Variants in TMEM135 observed in about 807,000 individuals in gnomAD.
The protein encoded by TMEM135 is transmembrane protein 135.
A neutral mutation model predicts 60.3 loss-of-function variants in TMEM135; 30 were observed. That is an observed-to-expected ratio of 0.50 (90% confidence interval 0.37 to 0.68). The LOEUF (loss-of-function observed/expected upper bound fraction) is 0.68, where lower values mean the gene tolerates loss of function less well. Ranked by LOEUF, TMEM135 falls within the 30% of genes least tolerant of loss-of-function variation. TMEM135 has a pLI of 0.00. For synonymous variants in TMEM135, 190 were observed against 186.7 expected (o/e 1.02, Z -0.14); for missense variants, 468 against 548.8 (o/e 0.85, Z 1.47).
intron 3 of TMEM135, among the ~76,000 whole-genome samples, chr11:87,073,106 G>C (rs1187337727): frequency 6.6e-6 from 1 of 152,112 alleles, no homozygotes; most frequent in Non-Finnish European, 1.5e-5. Flanking sequence ...TGCGATCTCA[G>C]CTCACTGAAA....
chr11:87,069,717 C>T (rs1856739226), intron 2 of TMEM135, among the ~76,000 whole-genome samples: 1 of 152,110 alleles, frequency 6.6e-6, no homozygotes, highest in Non-Finnish European at 1.5e-5. Flanking sequence ...TTCACTAAGT[C>T]CATTTTTCTT....
At chr11:87,317,273 G>A (rs1942748636) in intron 12 of TMEM135, among the ~76,000 whole-genome samples, 1 of 151,968 alleles carries the variant, frequency 6.6e-6, no homozygotes, top group Non-Finnish European at 1.5e-5. Flanking sequence ...TTTCTGTGAC[G>A]CAGTTCTACC....
At chr11:87,102,692 G>GCA (rs1857483711) in intron 4 of TMEM135, among the ~76,000 whole-genome samples, 2 of 90,388 alleles carry the variant, frequency 2.2e-5, no homozygotes, top group Non-Finnish European at 4.1e-5. Context: ...ATATGTGTGT[G>GCA]TATATATATA....
chr11:87,191,493 G>A (rs1411238516), intron 5 of TMEM135, among the ~76,000 whole-genome samples: 1 of 151,938 alleles, frequency 6.6e-6, no homozygotes, highest in East Asian at 1.9e-4. Flanking sequence ...TGCCTGCCTC[G>A]GCCTCCCAAA....
intron 6 of TMEM135, among the ~76,000 whole-genome samples, chr11:87,276,664 A>C (rs1316462181): frequency 9.1e-6 from 1 of 109,590 alleles, no homozygotes; most frequent in Non-Finnish European, 2.0e-5. Flanking sequence ...TGTGTTTGTG[A>C]ATTTTTTTTT....
intron 10 of TMEM135, among the ~76,000 whole-genome samples, chr11:87,312,701 TTTTGA>T (rs1156414316): frequency 6.6e-6 from 1 of 151,976 alleles, no homozygotes; most frequent in Admixed American, 6.6e-5. Flanking sequence ...GTTGTCATTC[TTTTGA>T]TTTATTTTTC....
At chr11:87,054,123 G>C (rs1275692035) in intron 1 of TMEM135, among the ~76,000 whole-genome samples, 1 of 152,176 alleles carries the variant, frequency 6.6e-6, no homozygotes, top group Non-Finnish European at 1.5e-5. Context: ...TAACTAACTT[G>C]GCTCATAGCA....
At chr11:87,087,318 A>G (rs1200373405) in intron 3 of TMEM135, among the ~76,000 whole-genome samples, 1 of 150,150 alleles carries the variant, frequency 6.7e-6, no homozygotes, top group African/African-American at 2.4e-5. Context: ...CCTTCAGGTT[A>G]TGGGCACCCC....
rs114941187 is a variant in TMEM135 at position 87,085,184 on chromosome 11, G to A, written c.363-6178G>A. On this transcript the variant is annotated intron_variant, in intron 3 of 14. Coordinates refer to ENST00000305494, the MANE Select transcript of TMEM135 (RefSeq NM_022918.4). ...TTGGAACAGAGGATGAAGATGTTGC[G>A]TGAAAGAAATCCTGTCAAAGAGTGT... 8.5e-3 allele frequency among the ~76,000 whole-genome samples: 1,299 copies of A among 152,268 alleles called. 25 individuals carry two copies. The highest frequency in any genetic ancestry group is 0.03 in the African/African-American group (1,233 of 41,554).
chr11:87,265,766 T>C (rs562184151), intron 6 of TMEM135, among the ~76,000 whole-genome samples: 1 of 152,214 alleles, frequency 6.6e-6, no homozygotes, highest in Admixed American at 6.5e-5. Context: ...TATTTTGTAT[T>C]TCATTTCATC....
intron 5 of TMEM135, among the ~76,000 whole-genome samples, chr11:87,158,186 A>G (rs1450503032): frequency 6.6e-6 from 1 of 152,164 alleles, no homozygotes; most frequent in East Asian, 1.9e-4. Flanking sequence ...TTTACCTCAC[A>G]GAGTGCCGGC....
chr11:87,205,376 C>T (rs1294788332), intron 5 of TMEM135, among the ~76,000 whole-genome samples: 1 of 152,108 alleles, frequency 6.6e-6, no homozygotes, highest in Non-Finnish European at 1.5e-5. Flanking sequence ...GTGGTGAAAA[C>T]ATTAGAAAGA....
At chr11:87,251,131 G>A (rs1232511596) in intron 6 of TMEM135, among the ~76,000 whole-genome samples, 1 of 152,186 alleles carries the variant, frequency 6.6e-6, no homozygotes, top group Non-Finnish European at 1.5e-5. Context: ...TTCAGCTAGA[G>A]AAATAATGGG....
intron 3 of TMEM135, among the ~76,000 whole-genome samples, chr11:87,071,856 A>G (rs139712134): frequency 1.1e-3 from 160 of 152,302 alleles, no homozygotes; most frequent in African/African-American, 3.7e-3. Context: ...GTTTACTAAA[A>G]GATTAGAGAG....
intron 4 of TMEM135, among the ~76,000 whole-genome samples, chr11:87,104,548 G>A (rs2445548): frequency 0.55 from 83,270 of 151,914 alleles, 23,629 homozygotes; most frequent in East Asian, 0.71. Context: ...TAACAATGTT[G>A]ATTTTTCCAA....
At chr11:87,169,555 T>C (rs1939170268) in intron 5 of TMEM135, among the ~76,000 whole-genome samples, 1 of 152,078 alleles carries the variant, frequency 6.6e-6, no homozygotes, top group Non-Finnish European at 1.5e-5. Flanking sequence ...TCTTTTTCGC[T>C]TATGAAGCTT....
chr11:87,078,314 T>G (rs1856915716), intron 3 of TMEM135, among the ~76,000 whole-genome samples: 1 of 152,246 alleles, frequency 6.6e-6, no homozygotes, highest in Non-Finnish European at 1.5e-5. Flanking sequence ...TTGATTTTTC[T>G]CAGATGACTA....
At chr11:87,150,236 G>A (rs1213576557) in intron 4 of TMEM135, among the ~76,000 whole-genome samples, 7,475 of 131,384 alleles carry the variant, frequency 0.057, 292 homozygotes, top group African/African-American at 0.12. Context: ...AAAAAAAAAA[G>A]AAAAAAAGTG....
chr11:87,175,108 C>T (rs543561014), intron 5 of TMEM135, among the ~76,000 whole-genome samples: 2 of 152,148 alleles, frequency 1.3e-5, no homozygotes, highest in South Asian at 2.1e-4. Context: ...GATACTGAAC[C>T]ACAAGAGGAA....
Sources: allele counts gnomAD v4.1 joint callset (sites outside exome capture counted in the v4.1 genomes callset), GRCh38; gene constraint gnomAD v4.1.1; transcripts MANE v1.5; gene names NCBI Gene and HGNC (gene_info 2026-07-23, HGNC 2026-07-21).